The following MAPK8 variants were observed in gnomAD, a reference collection of about 807,000 sequenced individuals.
MAPK8 encodes JUN N-terminal kinase.
MAPK8 carries 13 observed loss-of-function variants against 52.9 expected under a neutral mutation model. The observed-to-expected ratio is 0.25, with a 90% CI of 0.16 to 0.39. The LOEUF (loss-of-function observed/expected upper bound fraction) is 0.39. Among genes scored for constraint, MAPK8 ranks in the 10% least tolerant of loss-of-function variants. The pLI, the probability that MAPK8 is intolerant of heterozygous loss-of-function variation, is 1.00. For synonymous variants in MAPK8, 191 were observed against 169.8 expected (o/e 1.12, Z -0.97); for missense variants, 300 against 519.2 (o/e 0.58, Z 4.10).
chr10:48,380,019 G>A (rs1055735057), intron 1 of MAPK8, among the ~76,000 whole-genome samples: 8 of 150,486 alleles, frequency 5.3e-5, no homozygotes, highest in African/African-American at 1.2e-4. Context: ...TGAGGTGAGC[G>A]GATCATGAGG....
chr10:48,367,863 G>A (rs938402424), intron 1 of MAPK8, among the ~76,000 whole-genome samples: 2 of 152,154 alleles, frequency 1.3e-5, no homozygotes, highest in Non-Finnish European at 2.9e-5. Context: ...GGGGACAGAG[G>A]CATCAAGGCA....
chr10:48,315,430 T>C (rs555753097), intron 1 of MAPK8, among the ~76,000 whole-genome samples: 1 of 152,310 alleles, frequency 6.6e-6, no homozygotes, highest in South Asian at 2.1e-4. Flanking sequence ...TTAAATGGAT[T>C]CAGTGTACTG....
At chr10:48,429,376 T>C (rs2043982989) in intron 10 of MAPK8, among the ~76,000 whole-genome samples, 1 of 152,234 alleles carries the variant, frequency 6.6e-6, no homozygotes, top group Non-Finnish European at 1.5e-5. Context: ...TTGATTGCTT[T>C]AAAAACATTT....
intron 1 of MAPK8, among the ~76,000 whole-genome samples, chr10:48,336,887 G>A: frequency 6.6e-6 from 1 of 152,016 alleles, no homozygotes; most frequent in Non-Finnish European, 1.5e-5. Context: ...AAAGACAAGG[G>A]CATTATATAA....
intron 1 of MAPK8, among the ~76,000 whole-genome samples, chr10:48,392,173 G>C (rs976590472): frequency 6.6e-6 from 1 of 152,160 alleles, no homozygotes; most frequent in Admixed American, 6.5e-5. Context: ...TAGCCTTTCT[G>C]TGCAGCATTC....
In MAPK8 at chr10:48,375,152, G is replaced by C. The variant is rs147284756; in HGVS notation, c.-49-26460G>C. On this transcript the variant is annotated intron_variant, in intron 1 of 11. Transcript: ENST00000374189. ...AATGACAAAAACCACATGATTATCT[G>C]AATAGATGCAGAAAAGGCCTTTGAC... 1.8e-3 allele frequency among the ~76,000 whole-genome samples: 276 copies of C among 152,164 alleles called. 4 individuals are homozygous for C. In the East Asian group the frequency reaches 0.049, roughly 27 times the overall value.
At position 48,396,924 on chromosome 10, in the gene MAPK8, A is replaced by T. The variant is rs911614511; in HGVS notation, c.-49-4688A>T. On this transcript the variant is annotated intron_variant, in intron 1 of 11. Transcript: ENST00000374189. The stretch of plus-strand genomic sequence containing the variant: ...TTCCCAGTCTGTGGCTTGCCTTTCC[A>T]TTTTCTTAACAGTGTCTTTTTATTT... Among the ~76,000 whole-genome samples the T allele has an allele frequency of 2.6e-5, 4 of 151,834 alleles. No individual in the cohort carries two copies. In the East Asian group the frequency reaches 7.7e-4, roughly 29 times the overall value.
At chr10:48,344,980 C>T (rs1408152205) in intron 1 of MAPK8, among the ~76,000 whole-genome samples, 1 of 151,938 alleles carries the variant, frequency 6.6e-6, no homozygotes, top group Non-Finnish European at 1.5e-5. Flanking sequence ...CAAAGTGATA[C>T]AGAAGGGTTA....
intron 1 of MAPK8, among the ~76,000 whole-genome samples, chr10:48,395,675 G>A (rs567274267): frequency 3.8e-4 from 58 of 152,008 alleles, no homozygotes; most frequent in Non-Finnish European, 7.8e-4. Flanking sequence ...GAAGTAACTG[G>A]AAACAATTTT....
At chr10:48,425,340 T>C in intron 7 of MAPK8, 1 of 484,946 alleles carries the variant, frequency 2.1e-6, no homozygotes. Flanking sequence ...GGTCAGAGCT[T>C]TAGAAAATTT....
intron 5 of MAPK8, among the ~76,000 whole-genome samples, chr10:48,419,702 G>T (rs1009076791): frequency 6.6e-6 from 1 of 152,130 alleles, no homozygotes; most frequent in African/African-American, 2.4e-5. Context: ...CATTTGTTAG[G>T]ATTGACAAGA....
Position 48,307,836 on chromosome 10 carries a change from T to G in MAPK8, c.-50+1015T>G, listed in dbSNP as rs574271613. The stretch of plus-strand genomic sequence containing the variant: ...TTCATTCATTCATTCAGCAGCTGTT[T>G]AGTACCGTACTCAGATGAAGAGGTT... On this transcript the variant is annotated intron_variant, in intron 1 of 11. Transcript: ENST00000374189. 5.6e-4 allele frequency among the ~76,000 whole-genome samples: 85 copies of G among 152,302 alleles called. 1 individual carries two copies. The South Asian group carries it at 0.014, about 25-fold the overall frequency.
At chr10:48,378,802 GTCAC>G (rs762777725) in intron 1 of MAPK8, among the ~76,000 whole-genome samples, 6 of 151,744 alleles carry the variant, frequency 4.0e-5, no homozygotes, top group Admixed American at 6.6e-5. Context: ...ATCTCACTCT[GTCAC>G]TCAGGCTGTT....
intron 1 of MAPK8, among the ~76,000 whole-genome samples, chr10:48,309,740 A>T (rs1031330675): frequency 6.6e-6 from 1 of 152,134 alleles, no homozygotes; most frequent in African/African-American, 2.4e-5. Context: ...GAATTTTGAC[A>T]TATTTCAGTC....
chr10:48,432,250 G>A lies in MAPK8; in HGVS notation c.1138+980G>A, dbSNP rs73293525. Among the ~76,000 whole-genome samples, 457 of 152,312 alleles carry A rather than the reference G, an allele frequency of 3.0e-3. 4 individuals are homozygous for A. The highest frequency in any genetic ancestry group is 0.011 in the African/African-American group (445 of 41,578). On this transcript the variant is annotated intron_variant, in intron 11 of 11. Transcript: ENST00000374189. ...ACTTCTACTTTTGAGGAAAAAAATA[G>A]ATGTTGTATCTAGCATCTTGTATAT...
intron 5 of MAPK8, among the ~76,000 whole-genome samples, chr10:48,417,044 T>G (rs2043104939): frequency 6.6e-6 from 1 of 152,166 alleles, no homozygotes; most frequent in African/African-American, 2.4e-5. Flanking sequence ...ATGGAATGTT[T>G]AGTAGCATTC....
chr10:48,410,779 C>G (rs2042705619), intron 5 of MAPK8, among the ~76,000 whole-genome samples: 1 of 152,202 alleles, frequency 6.6e-6, no homozygotes, highest in African/African-American at 2.4e-5. Context: ...TTCTTCACAT[C>G]CTTGTCAGTA....
At chr10:48,358,766 C>A (rs552518214) in intron 1 of MAPK8, among the ~76,000 whole-genome samples, 1 of 152,096 alleles carries the variant, frequency 6.6e-6, no homozygotes, top group East Asian at 1.9e-4. Flanking sequence ...GGTCTTTGAT[C>A]CATTTTGAGT....
In MAPK8 at chr10:48,409,923, A is replaced by G; in HGVS notation, c.297A>G (p.Glu99=). ...TTTTCACACCACAGAAATCCCTAGA[A>G]GAATTTCAAGATGTGTAAGTGTAAT... The part of the protein sequence containing the change: ...LNVFTPQKSL[E]EFQDVYIVME... Residue 99 remains glutamate, a synonymous_variant, in exon 4 of 12, where the codon GAA becomes GAG. Coordinates refer to ENST00000374189, the MANE Select transcript of MAPK8 (RefSeq NM_001323329.2). 1 of 1,611,748 alleles carries G rather than the reference A, an allele frequency of 6.2e-7. No individual in the cohort carries two copies. The highest frequency in any genetic ancestry group is 8.5e-7 in the Non-Finnish European group (1 of 1,178,294).
Sources: allele counts gnomAD v4.1 joint callset (sites outside exome capture counted in the v4.1 genomes callset), GRCh38; gene constraint gnomAD v4.1.1; transcripts MANE v1.5; gene names NCBI Gene and HGNC (gene_info 2026-07-23, HGNC 2026-07-21).